LNP1: variants seen among roughly 807,000 people sequenced by gnomAD.
The protein encoded by LNP1 is leukemia NUP98 fusion partner 1.
Under a neutral mutation model 14.5 loss-of-function variants are expected in LNP1, and 12 were observed. That is an observed-to-expected ratio of 0.83 (90% CI 0.53 to 1.34). LNP1 has a LOEUF of 1.34. Ranked by LOEUF, LNP1 falls within the 40% of genes most tolerant of loss-of-function variation. LNP1 has a pLI of 0.00. For synonymous variants in LNP1, 75 were observed against 71.4 expected (o/e 1.05, Z -0.26); for missense variants, 198 against 210.9 (o/e 0.94, Z 0.38).
rs116525541 is a variant in LNP1, at chr3:100,455,317, G to A, written c.388-460G>A. Among the ~76,000 whole-genome samples the A allele has an allele frequency of 6.1e-3, 927 of 152,246 alleles. 14 individuals carry two copies. Among genetic ancestry groups the A allele is most frequent in the African/African-American group, 0.021 (860 of 41,526 alleles). On this transcript the variant is annotated intron_variant, in intron 3 of 3. Coordinates refer to ENST00000383693, the MANE Select transcript of LNP1 (RefSeq NM_001085451.2). Reference sequence around the variant, plus strand: ...TCGGGGGGTGTTAATCTGGTTGGGCGTCATTCCTTAACAGTTCATTCTTCC... The same window carrying A: ...TCGGGGGGTGTTAATCTGGTTGGGCATCATTCCTTAACAGTTCATTCTTCC...
intron 1 of LNP1, among the ~76,000 whole-genome samples, chr3:100,416,032 A>G (rs1053915440): frequency 3.3e-5 from 5 of 152,178 alleles, no homozygotes; most frequent in African/African-American, 1.2e-4. Flanking sequence ...CTATATTGGT[A>G]GATGAACCTA....
Position 100,456,288 on chromosome 3 carries a change from TA to T in LNP1, c.*365del. On this transcript the variant is annotated 3_prime_UTR_variant, in exon 4 of 4. Transcript: ENST00000383693. ...CCAACCCTTCTCACACATCAACTCA[TA>T]AATCATCTTAAATAAAAGTCATTGG... 6.2e-6 allele frequency: 1 copy of T among 162,134 alleles called. No individual in the cohort carries two copies. Among genetic ancestry groups the T allele is most frequent in the Non-Finnish European group, 1.3e-5 (1 of 75,216 alleles). The allele number at this position is 162,134 out of a possible 1,614,324, so 10.0% of individuals were successfully genotyped here.
In LNP1 at chr3:100,406,007, C is replaced by G. The variant is rs149628412; in HGVS notation, c.-34+3568C>G. 5.9e-5 allele frequency among the ~76,000 whole-genome samples: 9 copies of G among 152,282 alleles called. No individual in the cohort carries two copies. In the East Asian group the frequency reaches 1.7e-3, roughly 29 times the overall value. On this transcript the variant is annotated intron_variant, in intron 1 of 3. Transcript: ENST00000383693. ...ACTATTAGAAATTACCTATGTGGGC[C>G]GGGTGCAGTGGCTTGTGCCTGTAAT...
rs563242999 is a variant in LNP1, at chr3:100,406,217, C to T, written c.-34+3778C>T. 1.9e-3 allele frequency among the ~76,000 whole-genome samples: 293 copies of T among 151,910 alleles called. 1 individual carries two copies. Among genetic ancestry groups the T allele is most frequent in the African/African-American group, 6.6e-3 (273 of 41,416 alleles). On this transcript the variant is annotated intron_variant, in intron 1 of 3. Coordinates refer to ENST00000383693, the MANE Select transcript of LNP1 (RefSeq NM_001085451.2). ...AGGAGAATCGCTTGAACCCCAGAGG[C>T]GGAGGTTGCAGTGAGCCGAGATTAC... is the stretch of plus-strand genomic sequence containing the variant.
At chr3:100,409,324 A>G (rs1241469437) in intron 1 of LNP1, among the ~76,000 whole-genome samples, 3 of 151,986 alleles carry the variant, frequency 2.0e-5, no homozygotes, top group South Asian at 4.2e-4. Flanking sequence ...CTTGTTTACT[A>G]TAGGTCTTAG....
At chr3:100,450,057 T>C (rs1707423447) in intron 2 of LNP1, among the ~76,000 whole-genome samples, 1 of 151,130 alleles carries the variant, frequency 6.6e-6, no homozygotes, top group African/African-American at 2.4e-5. Flanking sequence ...TTATTTTTCC[T>C]TTTGCTGGTC....
chr3:100,421,987 T>C (rs528499694), intron 1 of LNP1, among the ~76,000 whole-genome samples: 1 of 152,304 alleles, frequency 6.6e-6, no homozygotes, highest in South Asian at 2.1e-4. Flanking sequence ...AATTGCAGCA[T>C]TTTGTCCCTC....
chr3:100,445,697 A>G (rs1377659166), intron 2 of LNP1, among the ~76,000 whole-genome samples: 2 of 152,094 alleles, frequency 1.3e-5, no homozygotes, highest in Non-Finnish European at 1.5e-5. Flanking sequence ...TATTTAGAAA[A>G]CCCCATCGTC....
intron 1 of LNP1, among the ~76,000 whole-genome samples, chr3:100,420,746 C>G (rs543535531): frequency 4.6e-5 from 7 of 152,180 alleles, no homozygotes; most frequent in African/African-American, 1.7e-4. Flanking sequence ...CTTTATCTTA[C>G]TTTTTTCATC....
intron 1 of LNP1, among the ~76,000 whole-genome samples, chr3:100,407,948 T>G (rs1706987192): frequency 6.6e-6 from 1 of 152,246 alleles, no homozygotes; most frequent in Admixed American, 6.5e-5. Flanking sequence ...TTATTTCAAT[T>G]TATCTGGTAA....
chr3:100,407,008 T>C (rs1001455100), intron 1 of LNP1, among the ~76,000 whole-genome samples: 1 of 152,212 alleles, frequency 6.6e-6, no homozygotes, highest in African/African-American at 2.4e-5. Flanking sequence ...ACAATTTAAG[T>C]ATTTTTATAT....
chr3:100,451,886 T>C lies in LNP1; in HGVS notation c.324T>C (p.Ile108=), dbSNP rs779174004. 2.1e-6 allele frequency: 3 copies of C among 1,427,172 alleles called. No individual in the cohort carries two copies. The highest frequency in any genetic ancestry group is 9.2e-7 in the Non-Finnish European group (1 of 1,083,452). The allele number at this position is 1,427,172 out of a possible 1,614,324, so 88.4% of individuals were successfully genotyped here. The stretch of plus-strand genomic sequence containing the variant: ...CAAAAGGAAGATCCCATTCCAAAAT[T>C]GAGAAATTTTCAGAGTCCTTTGAAC... The part of the protein sequence containing the change: ...LESKGRSHSK[I]EKFSESFERQ... The change falls in exon 3 of 4, where the codon ATT becomes ATC. Residue 108 remains isoleucine (I), a synonymous_variant. Coordinates refer to ENST00000383693, the MANE Select transcript of LNP1 (RefSeq NM_001085451.2).
At chr3:100,437,359 C>T (rs1467352657) in intron 2 of LNP1, among the ~76,000 whole-genome samples, 5 of 152,200 alleles carry the variant, frequency 3.3e-5, no homozygotes, top group Non-Finnish European at 7.4e-5. Context: ...CTTCTTATAG[C>T]TCTCCTCTGT....
chr3:100,452,202 CT>C (rs1321009854), intron 3 of LNP1, among the ~76,000 whole-genome samples: 247 of 129,276 alleles, frequency 1.9e-3, no homozygotes, highest in African/African-American at 2.3e-3. Flanking sequence ...GTTTTTCTTT[CT>C]TTTTTTTTTT....
chr3:100,420,729 C>A (rs1250080889), intron 1 of LNP1, among the ~76,000 whole-genome samples: 1 of 152,072 alleles, frequency 6.6e-6, no homozygotes, highest in Non-Finnish European at 1.5e-5. Flanking sequence ...AAACATTTTC[C>A]ACCAGTCTTT....
intron 2 of LNP1, among the ~76,000 whole-genome samples, chr3:100,448,787 A>G (rs1707410588): frequency 6.6e-6 from 1 of 152,188 alleles, no homozygotes; most frequent in Non-Finnish European, 1.5e-5. Context: ...CAGTAGTGAA[A>G]CACTGTGTAC....
intron 1 of LNP1, among the ~76,000 whole-genome samples, chr3:100,418,616 G>A (rs1012493198): frequency 6.6e-6 from 1 of 152,176 alleles, no homozygotes; most frequent in African/African-American, 2.4e-5. Flanking sequence ...CTCTTCTGTT[G>A]TGTTTGTATA....
chr3:100,411,033 G>A (rs1186162722), intron 1 of LNP1, among the ~76,000 whole-genome samples: 2 of 152,170 alleles, frequency 1.3e-5, no homozygotes. Context: ...AGCTGAAGGG[G>A]CAAGGCTACC....
chr3:100,409,506 G>T (rs1408364553), intron 1 of LNP1, among the ~76,000 whole-genome samples: 2 of 150,216 alleles, frequency 1.3e-5, no homozygotes, highest in African/African-American at 4.9e-5. Context: ...AGCTGGGTGT[G>T]GTGGTGGGCG....
Sources: gnomAD v4.1 joint callset for allele counts (sites outside exome capture counted in the v4.1 genomes callset) on GRCh38, gnomAD v4.1.1 for gene constraint, MANE v1.5 for transcripts, NCBI Gene and HGNC (gene_info 2026-07-23, HGNC 2026-07-21) for gene names.